Variants in SERINC3 observed in about 807,000 individuals in gnomAD.
SERINC3 encodes the protein tumor differentially expressed protein 1.
In SERINC3, 22 loss-of-function variants were observed where a neutral mutation model predicts 52.1. The observed-to-expected ratio is 0.42, with a 90% CI of 0.30 to 0.60. The LOEUF is 0.60. Ranked by LOEUF, SERINC3 falls within the 20% of genes least tolerant of loss-of-function variation. SERINC3 has a pLI of 0.16. For synonymous variants in SERINC3, 226 were observed against 212.7 expected (o/e 1.06, Z -0.54); for missense variants, 564 against 584.6 (o/e 0.96, Z 0.36).
At chr20:44,508,410 T>G (rs921601807) in intron 5 of SERINC3, among the ~76,000 whole-genome samples, 1 of 151,838 alleles carries the variant, frequency 6.6e-6, no homozygotes, top group African/African-American at 2.4e-5. Flanking sequence ...CTGAGGTGGA[T>G]AGCTTGAGCC....
At chr20:44,502,445 T>C (rs2064285734) in intron 8 of SERINC3, among the ~76,000 whole-genome samples, 1 of 152,052 alleles carries the variant, frequency 6.6e-6, no homozygotes, top group Non-Finnish European at 1.5e-5. Flanking sequence ...TAGCTGGGCA[T>C]GATGGTGTGT....
intron 3 of SERINC3, among the ~76,000 whole-genome samples, chr20:44,511,653 T>C (rs912188073): frequency 6.6e-6 from 1 of 152,212 alleles, no homozygotes; most frequent in East Asian, 1.9e-4. Context: ...TAGGCATTTT[T>C]CTAGCATTCT....
chr20:44,506,720 T>C (rs2064316273), intron 6 of SERINC3, 107 bp downstream of exon 6: 1 of 627,786 alleles, frequency 1.6e-6, no homozygotes, highest in Admixed American at 3.5e-5. Context: ...TATGGAAAAA[T>C]GTTCAAGTGG....
chr20:44,508,282 C>T (rs6031638), intron 5 of SERINC3, among the ~76,000 whole-genome samples: 11,429 of 151,860 alleles, frequency 0.075, 459 homozygotes, highest in South Asian at 0.14. Flanking sequence ...CCAGGAGTTC[C>T]GGCAACATGG....
At position 44,509,996 on chromosome 20, in the gene SERINC3, G is replaced by C; in HGVS notation, c.508C>G (p.Leu170Val). ...WFVVGMIGAA[L>V]FILIQLVLLV... ...AGCACCAGCTGAATGAGGATGAAGAGGGCGGCCCCTATCATGCCAACAACA... is the reference window on the plus strand; with the variant it reads ...AGCACCAGCTGAATGAGGATGAAGACGGCGGCCCCTATCATGCCAACAACA... The change falls in exon 5 of 10, where the codon CTC becomes GTC. Residue 170 changes from leucine to valine, a missense_variant. By Grantham distance (32) the Leu-to-Val change is conservative. Coordinates refer to ENST00000342374, the MANE Select transcript of SERINC3 (RefSeq NM_006811.4). The C allele has an allele frequency of 6.2e-7, 1 of 1,614,104 alleles. No individual in the cohort carries two copies. The highest frequency in any genetic ancestry group is 8.5e-7 in the Non-Finnish European group (1 of 1,179,974).
intron 3 of SERINC3, among the ~76,000 whole-genome samples, chr20:44,512,494 T>C (rs1207570027): frequency 1.3e-5 from 2 of 152,118 alleles, no homozygotes; most frequent in African/African-American, 4.8e-5. Context: ...AAGAAAAAAG[T>C]GTGTGTGTAC....
chr20:44,514,122 G>A, intron 1 of SERINC3, 82 bp from the exon 2 acceptor site: 2 of 1,410,450 alleles, frequency 1.4e-6, no homozygotes, highest in South Asian at 2.9e-5. Context: ...GAGAAAGCGA[G>A]GCAAATCAGG....
At position 44,501,254 on chromosome 20, in the gene SERINC3, C is replaced by T. The variant is rs773889499; in HGVS notation, c.1102G>A (p.Gly368Arg). Reference protein sequence around the residue: ...NSQVDKLTLSGSDSVILGDTT... With the variant: ...NSQVDKLTLSRSDSVILGDTT... ...TCACCAAGGATGACGCTGTCACTCCCTGACAGGGTCAGCTTGTCTACTTGG... is the reference window on the plus strand; with the variant it reads ...TCACCAAGGATGACGCTGTCACTCCTTGACAGGGTCAGCTTGTCTACTTGG... The change falls in exon 9 of 10, where the codon GGG (glycine) becomes AGG (arginine). Residue 368 changes from glycine (G) to arginine (R), a missense_variant. Coordinates refer to ENST00000342374, the MANE Select transcript of SERINC3 (RefSeq NM_006811.4). 1.2e-6 allele frequency: 2 copies of T among 1,614,042 alleles called. No individual in the cohort carries two copies. The highest frequency in any genetic ancestry group is 3.3e-5 in the Admixed American group (2 of 60,012).
chr20:44,506,801 G>A (rs1180671872), intron 6 of SERINC3, 26 bp downstream of exon 6: 1 of 1,502,572 alleles, frequency 6.7e-7, no homozygotes, highest in Non-Finnish European at 8.9e-7. Flanking sequence ...CCTTTCACAG[G>A]AGAAAGAAGT....
chr20:44,506,808 A>T lies in SERINC3; in HGVS notation c.783+19T>A, dbSNP rs750113502. 6.9e-5 allele frequency: 106 copies of T among 1,527,480 alleles called. No homozygotes were observed. Among genetic ancestry groups the T allele is most frequent in the Middle Eastern group, 1.7e-4 (1 of 5,758 alleles). 94.6% of individuals were successfully genotyped at this position (1,527,480 alleles called of 1,614,324 possible). On this transcript the variant is annotated intron_variant, in intron 6 of 9. Transcript: ENST00000342374. ...ATTAAAAACCTTTCACAGGAGAAAG[A>T]AGTAGTAAACAATCATACCTGAATT...
intron 8 of SERINC3, among the ~76,000 whole-genome samples, chr20:44,501,714 C>T (rs1174134645): frequency 6.6e-6 from 1 of 152,184 alleles, no homozygotes; most frequent in East Asian, 1.9e-4. Flanking sequence ...CAAGACACTC[C>T]TCCGACTTCC....
intron 1 of SERINC3, among the ~76,000 whole-genome samples, chr20:44,518,323 A>G (rs929728082): frequency 1.9e-4 from 29 of 150,490 alleles, no homozygotes; most frequent in Admixed American, 1.1e-3. Context: ...AGCCTCAAAA[A>G]AAAAAAAAAA....
Position 44,500,558 on chromosome 20 carries a change from T to C in SERINC3, c.1284-124A>G, listed in dbSNP as rs1568783294. ...AAACTTGGCTGGCACTACCCCCCAG[T>C]AGGGTTGAAGGGGACCAGAGGAAGC... On this transcript the variant is annotated intron_variant, in intron 9 of 9. Transcript: ENST00000342374. 2.1e-5 allele frequency: 22 copies of C among 1,065,532 alleles called. No homozygotes were observed. In the East Asian group the frequency reaches 2.6e-4, roughly 13 times the overall value. 66.0% of individuals were successfully genotyped at this position (1,065,532 alleles called of 1,614,324 possible).
intron 5 of SERINC3, among the ~76,000 whole-genome samples, chr20:44,507,280 CT>C (rs2046288699): frequency 2.0e-5 from 3 of 152,162 alleles, no homozygotes; most frequent in Admixed American, 6.5e-5. Flanking sequence ...CTAGAGTTTA[CT>C]GCTACCTATA....
intron 1 of SERINC3, among the ~76,000 whole-genome samples, chr20:44,520,164 C>A (rs2064406664): frequency 2.6e-5 from 4 of 152,272 alleles, no homozygotes; most frequent in Admixed American, 2.6e-4. Flanking sequence ...GGCTCACACC[C>A]CAGGAGTTCG....
At chr20:44,506,538 T>C (rs1482644505) in intron 6 of SERINC3, among the ~76,000 whole-genome samples, 1 of 138,248 alleles carries the variant, frequency 7.2e-6, no homozygotes, top group Non-Finnish European at 1.5e-5. Context: ...TGAGCCGAGA[T>C]TGTGCCACTG....
rs1481278496 is a variant in SERINC3 at position 44,500,157 on chromosome 20, C to T, written c.*139G>A. The T allele has an allele frequency of 4.7e-6, 4 of 858,140 alleles. No individual in the cohort carries two copies. Among genetic ancestry groups the T allele is most frequent in the Non-Finnish European group, 3.5e-6 (2 of 567,022 alleles). 53.2% of individuals were successfully genotyped at this position (858,140 alleles called of 1,614,324 possible). Reference sequence around the variant, plus strand: ...TGCATCAAGCATTATTCAATCTCACCTTCTGATATAAACCTGCATACAGTC... The same window carrying T: ...TGCATCAAGCATTATTCAATCTCACTTTCTGATATAAACCTGCATACAGTC... On this transcript the variant is annotated 3_prime_UTR_variant, in exon 10 of 10. Transcript: ENST00000342374.
rs200749563 is a variant in SERINC3, at chr20:44,506,953, G to C, written c.657C>G (p.Ile219Met). Residue 219 changes from isoleucine to methionine, a missense_variant, in exon 6 of 10, where the codon ATC becomes ATG. By Grantham distance (10) the Ile-to-Met change is conservative. Transcript: ENST00000342374. ...AATATGTATAGAGCAGCCCGACACAGATGATTGACAGGATATAAAAGGCGC... is the reference window on the plus strand; with the variant it reads ...AATATGTATAGAGCAGCCCGACACACATGATTGACAGGATATAAAAGGCGC... ...FTSAFYILSI[I>M]CVGLLYTYYT... 8 of 1,608,102 alleles carry C rather than the reference G, an allele frequency of 5.0e-6. No homozygotes were observed. Among genetic ancestry groups the C allele is most frequent in the Non-Finnish European group, 6.8e-6 (8 of 1,178,020 alleles).
chr20:44,519,990 T>C (rs965329786), intron 1 of SERINC3, among the ~76,000 whole-genome samples: 1 of 152,122 alleles, frequency 6.6e-6, no homozygotes, highest in Non-Finnish European at 1.5e-5. Context: ...AGGGTCATAG[T>C]AGGAGGTTGG....
Sources: allele counts gnomAD v4.1 joint callset (sites outside exome capture counted in the v4.1 genomes callset), GRCh38; gene constraint gnomAD v4.1.1; transcripts MANE v1.5; gene names NCBI Gene and HGNC (gene_info 2026-07-23, HGNC 2026-07-21).